Variants in NAA35 observed in about 807,000 individuals in gnomAD.
NAA35 encodes the protein N-alpha-acetyltransferase 35, NatC auxiliary subunit.
A neutral mutation model predicts 101.7 loss-of-function variants in NAA35; 18 were observed. The ratio of observed to expected loss-of-function variants is 0.18; its 90% CI spans 0.12 to 0.26. NAA35 has a LOEUF of 0.26. Ranked by LOEUF, NAA35 falls within the 10% of genes least tolerant of loss-of-function variation. The pLI is 1.00. For synonymous variants in NAA35, 267 were observed against 273.1 expected, an observed-to-expected ratio of 0.98 and a Z score of 0.22; for missense variants, 601 against 886.8, an observed-to-expected ratio of 0.68 and a Z score of 4.09.
chr9:85,949,403 T>C (rs1433839716), intron 2 of NAA35, among the ~76,000 whole-genome samples: 1 of 151,878 alleles, frequency 6.6e-6, no homozygotes, highest in Admixed American at 6.6e-5. Flanking sequence ...CAAGCGATTC[T>C]CCTGCCTTGG....
In NAA35 at chr9:85,976,681, T is replaced by G; in HGVS notation, c.628-4T>G. ...TGTTTAATTCACCTTTTTTAAAATT[T>G]TAGAGTACTCGAAGTCGACAAGGAG... is the stretch of plus-strand genomic sequence containing the variant. On this transcript the variant is annotated splice_region_variant and splice_polypyrimidine_tract_variant and intron_variant, in intron 8 of 22. Transcript: ENST00000361671. 1 of 1,579,752 alleles carries G rather than the reference T, an allele frequency of 6.3e-7. No individual in the cohort carries two copies. Among genetic ancestry groups the G allele is most frequent in the South Asian group, 1.2e-5 (1 of 84,956 alleles).
intron 6 of NAA35, among the ~76,000 whole-genome samples, chr9:85,968,110 T>C (rs1829842454): frequency 6.6e-6 from 1 of 152,208 alleles, no homozygotes; most frequent in African/African-American, 2.4e-5. Flanking sequence ...GTTTTTTCTC[T>C]CACCCTTTCT....
chr9:85,983,286 G>T (rs554109641), intron 11 of NAA35, among the ~76,000 whole-genome samples: 9 of 152,304 alleles, frequency 5.9e-5, no homozygotes, highest in African/African-American at 2.2e-4. Flanking sequence ...TCAGAACAGT[G>T]TAGCCAGGCA....
In NAA35 at chr9:86,016,581, G is replaced by A. The variant is rs149863465; in HGVS notation, c.1611G>A (p.Leu537=). The A allele has an allele frequency of 0.011, 17,536 of 1,613,964 alleles. 146 individuals carry two copies. The highest frequency in any genetic ancestry group is 0.013 in the Non-Finnish European group (14,847 of 1,179,926). The change falls in exon 18 of 23, where the codon TTG becomes TTA. Residue 537 remains leucine, a synonymous_variant. Coordinates refer to ENST00000361671, the MANE Select transcript of NAA35 (RefSeq NM_024635.4). The part of the protein sequence containing the change: ...EFLYAWLMST[L]SRADGSQMAE... ...TTTACGCATGGTTGATGTCAACATT[G>A]AGTCGTGCCGATGGCTCTCAAATGG...
chr9:85,952,233 C>CT lies in NAA35; in HGVS notation c.125-4116dup, dbSNP rs138315832. ...TAACCATAGTCTGTTGATTGTTTTTCTTTTTTTTTTTCAGGTAAAAGTAGT... is the reference window on the plus strand; with the variant it reads ...TAACCATAGTCTGTTGATTGTTTTTCTTTTTTTTTTTTCAGGTAAAAGTAGT... On this transcript the variant is annotated intron_variant, in intron 2 of 22. Coordinates refer to ENST00000361671, the MANE Select transcript of NAA35 (RefSeq NM_024635.4). Among the ~76,000 whole-genome samples the CT allele has an allele frequency of 4.1e-3, 497 of 121,986 alleles. 6 individuals are homozygous for CT. In the South Asian group the frequency reaches 0.043, roughly 11 times the overall value. The allele number at this position is 121,986 out of a possible 152,430, so 80.0% of individuals were successfully genotyped here.
chr9:86,011,987 T>A (rs1250333299), intron 15 of NAA35, among the ~76,000 whole-genome samples: 1 of 142,532 alleles, frequency 7.0e-6, no homozygotes, highest in South Asian at 2.1e-4. Flanking sequence ...ATAATATATA[T>A]TATATATAAT....
At position 86,003,611 on chromosome 9, in the gene NAA35, G is replaced by C; in HGVS notation, c.1083G>C (p.Gln361His). 6.3e-7 allele frequency: 1 copy of C among 1,597,858 alleles called. No homozygotes were observed. Among genetic ancestry groups the C allele is most frequent in the Non-Finnish European group, 8.5e-7 (1 of 1,170,096 alleles). Residue 361 changes from glutamine (Q) to histidine (H), a missense_variant, in exon 13 of 23, where the codon CAG becomes CAC. By Grantham distance (24) the Gln-to-His change is conservative (BLOSUM62 0). Transcript: ENST00000361671. Reference protein sequence around the residue: ...ILDFFCEFSEQSPCVLSRSLL... With the variant: ...ILDFFCEFSEHSPCVLSRSLL... ...ATTTTTTCTGTGAATTTAGTGAACA[G>C]TCACCATGTGTTCTTTCAAGATCTC...
Position 85,957,870 on chromosome 9 carries a change from C to T in NAA35, c.159-602C>T, listed in dbSNP as rs557629572. Among the ~76,000 whole-genome samples, 258 of 151,892 alleles carry T rather than the reference C, an allele frequency of 1.7e-3. 1 individual carries two copies. The highest frequency in any genetic ancestry group is 6.0e-3 in the African/African-American group (249 of 41,416). Reference sequence around the variant, plus strand: ...GAATTGTCTGGAGGGCTTATTAAAGCGTAGATTGCTGGGTCCTACCCCGAG... The same window carrying T: ...GAATTGTCTGGAGGGCTTATTAAAGTGTAGATTGCTGGGTCCTACCCCGAG... On this transcript the variant is annotated intron_variant, in intron 3 of 22. Coordinates refer to ENST00000361671, the MANE Select transcript of NAA35 (RefSeq NM_024635.4).
intron 6 of NAA35, among the ~76,000 whole-genome samples, chr9:85,974,297 C>G (rs1390630205): frequency 6.6e-6 from 1 of 152,102 alleles, no homozygotes; most frequent in Non-Finnish European, 1.5e-5. Context: ...TAGGCAGAAA[C>G]ACTCTTTTAA....
chr9:86,010,485 C>G (rs1443143451), intron 15 of NAA35, among the ~76,000 whole-genome samples: 1 of 151,654 alleles, frequency 6.6e-6, no homozygotes, highest in African/African-American at 2.4e-5. Flanking sequence ...AATGTTATGA[C>G]TCTCAACTGG....
chr9:85,941,488 C>T, intron 1 of NAA35: 1 of 985,618 alleles, frequency 1.0e-6, no homozygotes, highest in Non-Finnish European at 1.2e-6. Context: ...GACCCGGCGC[C>T]GGACGTGCCC....
At chr9:85,995,109 C>T (rs910041623) in intron 11 of NAA35, among the ~76,000 whole-genome samples, 4 of 151,940 alleles carry the variant, frequency 2.6e-5, no homozygotes, top group African/African-American at 9.7e-5. Flanking sequence ...AGTGACCTAA[C>T]AGGAATTGTA....
intron 12 of NAA35, among the ~76,000 whole-genome samples, chr9:85,998,939 C>A (rs1831296527): frequency 6.6e-6 from 1 of 152,198 alleles, no homozygotes; most frequent in Non-Finnish European, 1.5e-5. Flanking sequence ...ATACTCCCAG[C>A]ATTTAGCAGC....
At position 86,024,705 on chromosome 9, in the gene NAA35, C is replaced by T. The variant is rs1832708239; in HGVS notation, c.*2745C>T. Reference sequence around the variant, plus strand: ...TGGCAACTAGACGATGGTGGTGCCACTTGTGTAGATATCTAGGCAAGGTAG... The same window carrying T: ...TGGCAACTAGACGATGGTGGTGCCATTTGTGTAGATATCTAGGCAAGGTAG... On this transcript the variant is annotated 3_prime_UTR_variant, in exon 23 of 23. Coordinates refer to ENST00000361671, the MANE Select transcript of NAA35 (RefSeq NM_024635.4). Among the ~76,000 whole-genome samples the T allele has an allele frequency of 6.6e-6, 1 of 152,102 alleles. No individual in the cohort carries two copies. The highest frequency in any genetic ancestry group is 2.4e-5 in the African/African-American group (1 of 41,416).
chr9:85,998,739 A>T (rs1831285932), intron 12 of NAA35, among the ~76,000 whole-genome samples: 1 of 152,208 alleles, frequency 6.6e-6, no homozygotes, highest in African/African-American at 2.4e-5. Flanking sequence ...AAAATGTGCA[A>T]GACAGTACTG....
chr9:85,999,587 C>T (rs1338088807), intron 12 of NAA35, among the ~76,000 whole-genome samples: 1 of 152,170 alleles, frequency 6.6e-6, no homozygotes, highest in Non-Finnish European at 1.5e-5. Flanking sequence ...AACCATGGCC[C>T]ATTCCAGGTA....
intron 11 of NAA35, among the ~76,000 whole-genome samples, chr9:85,992,981 C>G (rs1830983026): frequency 6.6e-6 from 1 of 152,052 alleles, no homozygotes; most frequent in South Asian, 2.1e-4. Context: ...CAAAATAGAT[C>G]AATAATATGT....
At chr9:85,945,741 G>A (rs1002706256) in intron 2 of NAA35, among the ~76,000 whole-genome samples, 1 of 151,958 alleles carries the variant, frequency 6.6e-6, no homozygotes, top group Non-Finnish European at 1.5e-5. Context: ...GGATGGTCTC[G>A]ATCTCCTGAC....
At chr9:85,976,484 T>G (rs1830217260) in intron 8 of NAA35, among the ~76,000 whole-genome samples, 1 of 152,174 alleles carries the variant, frequency 6.6e-6, no homozygotes, top group South Asian at 2.1e-4. Context: ...TCCATGATCT[T>G]TATAATTTAT....
Sources: allele counts gnomAD v4.1 joint callset (sites outside exome capture counted in the v4.1 genomes callset), GRCh38; gene constraint gnomAD v4.1.1; transcripts MANE v1.5; gene names NCBI Gene and HGNC (gene_info 2026-07-23, HGNC 2026-07-21).